GRB10: variants seen among roughly 807,000 people sequenced by gnomAD.
GRB10 encodes growth factor receptor-bound protein 10.
GRB10 carries 20 observed loss-of-function variants against 80.9 expected under a neutral mutation model. That is an observed-to-expected ratio of 0.25 (90% CI 0.17 to 0.36). The LOEUF is 0.36. Among genes scored for constraint, GRB10 ranks in the 10% least tolerant of loss-of-function variants. GRB10 has a pLI of 1.00. For synonymous variants in GRB10, 291 were observed against 291.5 expected (o/e 1.00, Z 0.02); for missense variants, 548 against 747.7 (o/e 0.73, Z 3.12).
At chr7:50,686,633 T>C (rs973952312) in intron 5 of GRB10, among the ~76,000 whole-genome samples, 2 of 152,172 alleles carry the variant, frequency 1.3e-5, no homozygotes, top group Non-Finnish European at 2.9e-5. Flanking sequence ...TTTCTCTCTA[T>C]AGAACATTAC....
At chr7:50,618,193 A>G in intron 9 of GRB10, 54 bp from the exon 10 acceptor site, 1 of 1,319,926 alleles carries the variant, frequency 7.6e-7, no homozygotes, top group Non-Finnish European at 1.1e-6. Flanking sequence ...AAGTGAGGGA[A>G]GGTATGTCAT....
intron 4 of GRB10, among the ~76,000 whole-genome samples, chr7:50,705,670 T>C (rs774567300): frequency 6.6e-5 from 10 of 152,242 alleles, no homozygotes; most frequent in Non-Finnish European, 1.0e-4. Context: ...TATTGTGTTT[T>C]AATATCGTTT....
intron 1 of GRB10, chr7:50,792,687 G>A (rs2078980159): frequency 2.6e-6 from 1 of 380,764 alleles, no homozygotes; most frequent in Admixed American, 4.5e-5. Flanking sequence ...GCCGGCTCGG[G>A]ATTTGGGAGT....
chr7:50,634,856 G>A (rs950162581), intron 7 of GRB10, among the ~76,000 whole-genome samples: 1 of 152,164 alleles, frequency 6.6e-6, no homozygotes, highest in Non-Finnish European at 1.5e-5. Flanking sequence ...TTGGAAATAC[G>A]TGTGCAAGCA....
intron 5 of GRB10, among the ~76,000 whole-genome samples, chr7:50,687,929 T>C (rs2062302359): frequency 6.6e-6 from 1 of 152,250 alleles, no homozygotes; most frequent in Admixed American, 6.5e-5. Flanking sequence ...AAATTCAGTA[T>C]TGTATTTCAC....
At chr7:50,715,902 C>A (rs1041149584) in intron 4 of GRB10, among the ~76,000 whole-genome samples, 2 of 152,182 alleles carry the variant, frequency 1.3e-5, no homozygotes, top group Non-Finnish European at 2.9e-5. Flanking sequence ...CATGACGCAG[C>A]CCTACTAGTG....
At chr7:50,740,654 A>C (rs1316135285) in intron 3 of GRB10, among the ~76,000 whole-genome samples, 1 of 150,638 alleles carries the variant, frequency 6.6e-6, no homozygotes, top group Non-Finnish European at 1.5e-5. Context: ...TTACATTCTA[A>C]GCCATAATAA....
Position 50,601,073 on chromosome 7 carries a change from T to A in GRB10, c.1544+2925A>T, listed in dbSNP as rs549938904. Among the ~76,000 whole-genome samples the A allele has an allele frequency of 4.1e-4, 63 of 152,320 alleles. 1 individual carries two copies. Among genetic ancestry groups the A allele is most frequent in the African/African-American group, 1.5e-3 (62 of 41,596 alleles). On this transcript the variant is annotated intron_variant, in intron 17 of 18. Coordinates refer to ENST00000401949, the MANE Select transcript of GRB10 (RefSeq NM_001350814.2). ...GGAAAAGAAATGTGGGCCATCGCGA[T>A]GCGCTGCTGTGGAGCGATCCTTGGG...
At chr7:50,691,332 C>G (rs562003930) in intron 5 of GRB10, among the ~76,000 whole-genome samples, 5 of 152,258 alleles carry the variant, frequency 3.3e-5, no homozygotes, top group African/African-American at 1.2e-4. Context: ...GGCCAGAGCC[C>G]ACCAGTCTGG....
chr7:50,641,278 G>GGA (rs1563257121), intron 7 of GRB10, among the ~76,000 whole-genome samples: 3 of 117,394 alleles, frequency 2.6e-5, no homozygotes, highest in African/African-American at 9.2e-5. Context: ...ATCAAAAAAG[G>GGA]TGGGGGGGTA....
At chr7:50,757,270 T>C (rs1050090493) in intron 2 of GRB10, among the ~76,000 whole-genome samples, 1 of 152,202 alleles carries the variant, frequency 6.6e-6, no homozygotes, top group African/African-American at 2.4e-5. Flanking sequence ...AGCATGAAAA[T>C]AGTATCTCTC....
chr7:50,710,979 T>C (rs2065808247), intron 4 of GRB10: 39 of 1,346,554 alleles, frequency 2.9e-5, no homozygotes, highest in Non-Finnish European at 3.8e-5. Context: ...CTGTGCACAA[T>C]ATTTTCAGAA....
At chr7:50,673,592 T>C (rs560323951) in intron 6 of GRB10, among the ~76,000 whole-genome samples, 1 of 152,164 alleles carries the variant, frequency 6.6e-6, no homozygotes, top group South Asian at 2.1e-4. Context: ...TTCTTCATCC[T>C]CAGGCAGCGC....
At chr7:50,692,580 A>C (rs2062955514) in intron 5 of GRB10, among the ~76,000 whole-genome samples, 1 of 152,268 alleles carries the variant, frequency 6.6e-6, no homozygotes, top group Middle Eastern at 3.4e-3. Context: ...GGGGAGAGGC[A>C]GGGGCTCAGG....
chr7:50,766,594 C>T (rs1050206266), intron 2 of GRB10, among the ~76,000 whole-genome samples: 31 of 64,498 alleles, frequency 4.8e-4, no homozygotes, highest in African/African-American at 1.4e-3. Context: ...TAAAACTGTG[C>T]GAGGAGTAAA....
At chr7:50,725,463 G>T (rs1390061225) in intron 4 of GRB10, among the ~76,000 whole-genome samples, 1 of 152,150 alleles carries the variant, frequency 6.6e-6, no homozygotes, top group East Asian at 1.9e-4. Context: ...GAGTGTGGAC[G>T]AATACAGTGA....
intron 2 of GRB10, among the ~76,000 whole-genome samples, chr7:50,767,851 C>A (rs780302783): frequency 1.1e-4 from 16 of 152,160 alleles, no homozygotes; most frequent in South Asian, 4.2e-4. Context: ...TCCTGTGTTG[C>A]AATCGAGAAG....
At chr7:50,613,772 C>T (rs770776292) in intron 12 of GRB10, among the ~76,000 whole-genome samples, 13 of 152,172 alleles carry the variant, frequency 8.5e-5, no homozygotes, top group African/African-American at 1.2e-4. Context: ...GTGAATTAGA[C>T]GCCTATTACT....
At chr7:50,712,167 G>T (rs1003707128) in intron 4 of GRB10, among the ~76,000 whole-genome samples, 4 of 152,150 alleles carry the variant, frequency 2.6e-5, no homozygotes, top group African/African-American at 9.7e-5. Flanking sequence ...TCTGCCAGTT[G>T]CAAGGTGTAC....
Sources: gnomAD v4.1 joint callset for allele counts (sites outside exome capture counted in the v4.1 genomes callset) on GRCh38, gnomAD v4.1.1 for gene constraint, MANE v1.5 for transcripts, NCBI Gene and HGNC (gene_info 2026-07-23, HGNC 2026-07-21) for gene names.